The following CTNNA2 variants were observed in gnomAD, a reference collection of about 807,000 sequenced individuals.
CTNNA2 encodes catenin alpha-2.
CTNNA2 carries 42 observed loss-of-function variants against 101.0 expected under a neutral mutation model. The ratio of observed to expected loss-of-function variants is 0.42; its 90% CI spans 0.32 to 0.54. The LOEUF (loss-of-function observed/expected upper bound fraction) is 0.54. Ranked by LOEUF, CTNNA2 falls within the 20% of genes least tolerant of loss-of-function variation. The pLI, the probability that CTNNA2 is intolerant of heterozygous loss-of-function variation, is 0.14. For missense variants in CTNNA2, 871 were observed against 1,223.1 expected (o/e 0.71, Z 4.29); for synonymous variants, 450 against 456.4 (o/e 0.99, Z 0.18).
chr2:79,242,028 C>G (rs1167653693), intron 2 of CTNNA2, among the ~76,000 whole-genome samples: 2 of 152,078 alleles, frequency 1.3e-5, no homozygotes, highest in Admixed American at 1.3e-4. Flanking sequence ...GCCTCAGCCT[C>G]CCTAGTAGCT....
At chr2:79,985,747 C>T (rs1415734920) in intron 7 of CTNNA2, among the ~76,000 whole-genome samples, 1 of 152,220 alleles carries the variant, frequency 6.6e-6, no homozygotes, top group Admixed American at 6.5e-5. Context: ...GAAGTCTGAG[C>T]ATGGCCTTGC....
chr2:80,479,956 G>A (rs1034002444), intron 9 of CTNNA2, among the ~76,000 whole-genome samples: 15 of 152,166 alleles, frequency 9.9e-5, no homozygotes, highest in African/African-American at 3.4e-4. Flanking sequence ...TATGTAAGTA[G>A]CACTTAAGGA....
At chr2:79,912,528 G>T (rs2104337439) in intron 7 of CTNNA2, among the ~76,000 whole-genome samples, 1 of 152,354 alleles carries the variant, frequency 6.6e-6, no homozygotes, top group East Asian at 1.9e-4. Context: ...TTGAAAAAAG[G>T]CTGGGTGAAC....
chr2:80,639,572 G>A (rs956537010), intron 18 of CTNNA2, among the ~76,000 whole-genome samples: 1 of 149,582 alleles, frequency 6.7e-6, no homozygotes, highest in Non-Finnish European at 1.5e-5. Context: ...CAACATATCT[G>A]TGATGGTCAC....
intron 1 of CTNNA2, among the ~76,000 whole-genome samples, chr2:79,610,911 T>C (rs1461424338): frequency 2.0e-5 from 3 of 152,140 alleles, no homozygotes; most frequent in African/African-American, 7.2e-5. Flanking sequence ...TACAATATGA[T>C]CTTGAAGAAC....
In CTNNA2 at chr2:80,302,490, G is replaced by A. The variant is rs1447069636; in HGVS notation, c.1057-90721G>A. Reference sequence around the variant, plus strand: ...CACTTCCAGGACACGTAGAGCACCAGGACCACGATGAGGAAGGAGAAGATG... The same window carrying A: ...CACTTCCAGGACACGTAGAGCACCAAGACCACGATGAGGAAGGAGAAGATG... On this transcript the variant is annotated intron_variant, in intron 7 of 18. Transcript: ENST00000402739. The surrounding 1 kb of genome is among the most constrained non-coding windows in gnomAD (Gnocchi z 6.4). The A allele has an allele frequency of 6.2e-7, 1 of 1,613,760 alleles. No homozygotes were observed. Among genetic ancestry groups the A allele is most frequent in the Non-Finnish European group, 8.5e-7 (1 of 1,180,054 alleles).
In CTNNA2 at chr2:80,428,331, C is replaced by T. The variant is rs558999979; in HGVS notation, c.1290+8730C>T. ...CCATTTTTAAAAGTTCACAGTGCTG[C>T]TTGATGGAAAATATAGAGTAATAAA... On this transcript the variant is annotated intron_variant, in intron 9 of 18. Transcript: ENST00000402739. Among the ~76,000 whole-genome samples, 2 of 152,218 alleles carry T rather than the reference C, an allele frequency of 1.3e-5. 1 individual carries two copies. Among genetic ancestry groups the T allele is most frequent in the South Asian group, 4.1e-4 (2 of 4,824 alleles).
chr2:79,856,682 C>T (rs903425023), intron 3 of CTNNA2, among the ~76,000 whole-genome samples: 1 of 152,188 alleles, frequency 6.6e-6, no homozygotes, highest in Non-Finnish European at 1.5e-5. Flanking sequence ...GTTTCCCATT[C>T]CTGGGTCCCT....
chr2:79,634,793 A>T (rs1323198332), intron 1 of CTNNA2: 1 of 152,318 alleles, frequency 6.6e-6, no homozygotes, highest in African/African-American at 2.4e-5. Flanking sequence ...AAAGTCTTAG[A>T]GGAATGGGAG....
chr2:79,830,499 T>C lies in CTNNA2; in HGVS notation c.299-27514T>C, dbSNP rs138403085. Among the ~76,000 whole-genome samples the C allele has an allele frequency of 1.3e-3, 201 of 152,276 alleles. 1 individual carries two copies. Among genetic ancestry groups the C allele is most frequent in the African/African-American group, 4.6e-3 (190 of 41,558 alleles). On this transcript the variant is annotated intron_variant, in intron 3 of 18. Coordinates refer to ENST00000402739, the MANE Select transcript of CTNNA2 (RefSeq NM_001282597.3). ...AATTTCAAAAACAAAACAAGAATCC[T>C]AGGACTCTCTAAGGGAAACTTGGTC...
At chr2:79,913,878 C>T (rs1035259542) in intron 7 of CTNNA2, among the ~76,000 whole-genome samples, 8 of 152,072 alleles carry the variant, frequency 5.3e-5, no homozygotes, top group African/African-American at 1.9e-4. Flanking sequence ...TTGAAAGTAG[C>T]TTACTTGGGC....
intron 16 of CTNNA2, among the ~76,000 whole-genome samples, chr2:80,606,879 C>G (rs577301952): frequency 6.6e-6 from 1 of 151,894 alleles, no homozygotes; most frequent in East Asian, 2.0e-4. Flanking sequence ...CTTGTCAGCC[C>G]TCTGGGGAGA....
intron 2 of CTNNA2, among the ~76,000 whole-genome samples, chr2:79,278,266 T>C (rs1202115414): frequency 6.6e-6 from 1 of 152,142 alleles, no homozygotes; most frequent in Non-Finnish European, 1.5e-5. Flanking sequence ...CCAGGGACAC[T>C]ATTGGCAATT....
At chr2:79,411,521 A>T (rs1678410750) in intron 4 of CTNNA2, among the ~76,000 whole-genome samples, 1 of 152,092 alleles carries the variant, frequency 6.6e-6, no homozygotes, top group Non-Finnish European at 1.5e-5. Context: ...CACAAAGGGA[A>T]GCCCATCAGA....
intron 3 of CTNNA2, among the ~76,000 whole-genome samples, chr2:79,333,845 A>G (rs1488554152): frequency 6.6e-6 from 1 of 152,106 alleles, no homozygotes; most frequent in Non-Finnish European, 1.5e-5. Flanking sequence ...TAAACTAGAG[A>G]TGATCTATTT....
rs1671205639 is a variant in CTNNA2 at position 79,491,307 on chromosome 2, T to C, written c.-134-13747T>C. ...AGTCTGGGCAGTAGATGAATCACTC[T>C]GTCTTCTGCTACTCCAGGACTCATA... On this transcript the variant is annotated intron_variant, in intron 4 of 21. Coordinates refer to the CTNNA2 transcript ENST00000466387. Among the ~76,000 whole-genome samples the C allele has an allele frequency of 2.6e-5, 4 of 152,204 alleles. No individual in the cohort carries two copies. The South Asian group carries it at 8.3e-4, about 31-fold the overall frequency.
At chr2:80,406,440 C>G (rs1327271280) in intron 8 of CTNNA2, among the ~76,000 whole-genome samples, 1 of 152,030 alleles carries the variant, frequency 6.6e-6, no homozygotes, top group South Asian at 2.1e-4. Flanking sequence ...CACTAATGGA[C>G]TCTGAGCAGA....
intron 4 of CTNNA2, among the ~76,000 whole-genome samples, chr2:79,455,110 G>A (rs1670801574): frequency 6.6e-6 from 1 of 152,176 alleles, no homozygotes; most frequent in Non-Finnish European, 1.5e-5. Flanking sequence ...GGTGAGGGCA[G>A]AAGACTAAGT....
chr2:80,423,729 C>A (rs1680735216), intron 9 of CTNNA2, among the ~76,000 whole-genome samples: 1 of 152,010 alleles, frequency 6.6e-6, no homozygotes, highest in African/African-American at 2.4e-5. Flanking sequence ...GCAGAGCAGG[C>A]AACCATGCCA....
Sources: gnomAD v4.1 joint callset for allele counts (sites outside exome capture counted in the v4.1 genomes callset) on GRCh38, gnomAD v4.1.1 for gene constraint, Gnocchi (gnomAD v3.1) non-coding constraint, MANE v1.5 for transcripts, NCBI Gene and HGNC (gene_info 2026-07-23, HGNC 2026-07-21) for gene names.